GABRB1: variants seen among roughly 807,000 people sequenced by gnomAD.
GABRB1 encodes gamma-aminobutyric acid receptor subunit beta-1.
In GABRB1, 17 loss-of-function variants were observed where a neutral mutation model predicts 51.6. That is an observed-to-expected ratio of 0.33 (90% CI 0.23 to 0.49). GABRB1 has a LOEUF of 0.49. Among genes scored for constraint, GABRB1 ranks in the 20% least tolerant of loss-of-function variants. GABRB1 has a pLI of 0.99. For synonymous variants in GABRB1, 247 were observed against 218.9 expected, an observed-to-expected ratio of 1.13 and a Z score of -1.14; for missense variants, 410 against 600.6, an observed-to-expected ratio of 0.68 and a Z score of 3.32.
chr4:47,039,573 T>C (rs567676758), intron 3 of GABRB1, among the ~76,000 whole-genome samples: 2 of 152,248 alleles, frequency 1.3e-5, no homozygotes, highest in Non-Finnish European at 2.9e-5. Context: ...TGGTAGGTGC[T>C]ATGATAGAGA....
intron 3 of GABRB1, among the ~76,000 whole-genome samples, chr4:47,083,508 A>T (rs941297782): frequency 6.6e-6 from 1 of 152,136 alleles, no homozygotes; most frequent in Non-Finnish European, 1.5e-5. Context: ...TTCATTGCTT[A>T]TCATAAAAGC....
intron 3 of GABRB1, among the ~76,000 whole-genome samples, chr4:47,047,154 A>G (rs1726130517): frequency 6.6e-6 from 1 of 152,024 alleles, no homozygotes; most frequent in Admixed American, 6.6e-5. Flanking sequence ...AATAAAAGTT[A>G]AAAAAAATTA....
chr4:47,026,347 A>C (rs1725093847), intron 1 of GABRB1, among the ~76,000 whole-genome samples: 2 of 151,890 alleles, frequency 1.3e-5, no homozygotes, highest in African/African-American at 2.4e-5. Context: ...TGTTCACCAG[A>C]TAATCACCGG....
chr4:47,131,984 A>G (rs754077659), intron 3 of GABRB1, among the ~76,000 whole-genome samples: 3 of 152,144 alleles, frequency 2.0e-5, no homozygotes, highest in Non-Finnish European at 2.9e-5. Context: ...CAATCTGTTG[A>G]CTACTGCCTC....
intron 3 of GABRB1, among the ~76,000 whole-genome samples, chr4:47,093,587 A>T (rs913444256): frequency 2.0e-5 from 3 of 152,246 alleles, no homozygotes; most frequent in Admixed American, 6.5e-5. Flanking sequence ...ACAACAAAAA[A>T]AATCTCATAT....
At chr4:47,350,563 CA>C (rs916793334) in intron 5 of GABRB1, among the ~76,000 whole-genome samples, 1 of 151,364 alleles carries the variant, frequency 6.6e-6, no homozygotes, top group Non-Finnish European at 1.5e-5. Context: ...TGTATCACAT[CA>C]AAACACTCAA....
intron 4 of GABRB1, among the ~76,000 whole-genome samples, chr4:47,239,699 A>G (rs1721455802): frequency 1.3e-5 from 2 of 152,222 alleles, no homozygotes; most frequent in South Asian, 2.1e-4. Flanking sequence ...TTTTCCAAGT[A>G]CAGTCAACCC....
At chr4:47,183,323 A>G (rs1719033901) in intron 4 of GABRB1, among the ~76,000 whole-genome samples, 1 of 135,924 alleles carries the variant, frequency 7.4e-6, no homozygotes, top group South Asian at 2.4e-4. Context: ...ATTATATAAC[A>G]TCTTATCTGT....
intron 3 of GABRB1, among the ~76,000 whole-genome samples, chr4:47,076,894 T>C (rs1307633405): frequency 6.6e-6 from 1 of 152,230 alleles, no homozygotes; most frequent in African/African-American, 2.4e-5. Flanking sequence ...AAGAAGCTCA[T>C]TGAAGAAAAC....
chr4:47,371,800 G>C (rs1300943249), intron 5 of GABRB1, among the ~76,000 whole-genome samples: 1 of 151,694 alleles, frequency 6.6e-6, no homozygotes, highest in Non-Finnish European at 1.5e-5. Flanking sequence ...GTTTTTTCTT[G>C]TAAATTTGTT....
chr4:47,248,760 T>C (rs1468291878), intron 4 of GABRB1, among the ~76,000 whole-genome samples: 1 of 152,082 alleles, frequency 6.6e-6, no homozygotes, highest in Non-Finnish European at 1.5e-5. Flanking sequence ...CAGGAAGTTA[T>C]CCATCTCTTC....
intron 4 of GABRB1, among the ~76,000 whole-genome samples, chr4:47,217,104 A>G (rs114414891): frequency 2.7e-3 from 410 of 152,074 alleles, no homozygotes; most frequent in Middle Eastern, 0.02. Context: ...AGTACAATTC[A>G]TATAAACTTT....
chr4:47,348,311 T>C (rs1192254436), intron 5 of GABRB1, among the ~76,000 whole-genome samples: 3 of 152,196 alleles, frequency 2.0e-5, no homozygotes, highest in Non-Finnish European at 4.4e-5. Context: ...AATGATTGCT[T>C]GTTGCAGCAT....
At chr4:47,207,962 G>GT (rs1293090946) in intron 4 of GABRB1, among the ~76,000 whole-genome samples, 9 of 151,860 alleles carry the variant, frequency 5.9e-5, no homozygotes, top group African/African-American at 1.7e-4. Flanking sequence ...CTAACTCCTG[G>GT]CATGTAAATC....
intron 4 of GABRB1, among the ~76,000 whole-genome samples, chr4:47,252,329 C>T (rs1160348905): frequency 1.3e-5 from 2 of 151,964 alleles, no homozygotes; most frequent in African/African-American, 4.8e-5. Flanking sequence ...GAGGCTTTCC[C>T]TTACCCACTT....
At chr4:47,000,571 A>C (rs896576231) in intron 1 of GABRB1, among the ~76,000 whole-genome samples, 3 of 152,170 alleles carry the variant, frequency 2.0e-5, no homozygotes, top group African/African-American at 7.2e-5. Context: ...CCTTCATCCC[A>C]TTGCAGTTAG....
chr4:47,354,214 T>C (rs7694566), intron 5 of GABRB1, among the ~76,000 whole-genome samples: 49,038 of 152,060 alleles, frequency 0.32, 8,267 homozygotes, highest in Non-Finnish European at 0.38. Flanking sequence ...GGTTTAATGG[T>C]CCATTCATGA....
chr4:47,197,717 T>C (rs1719745117), intron 4 of GABRB1, among the ~76,000 whole-genome samples: 1 of 152,206 alleles, frequency 6.6e-6, no homozygotes, highest in Non-Finnish European at 1.5e-5. Flanking sequence ...GCTAGCTTAG[T>C]GCCATACCTA....
chr4:47,209,699 A>G (rs1169315884), intron 4 of GABRB1, among the ~76,000 whole-genome samples: 6 of 152,160 alleles, frequency 3.9e-5, no homozygotes. Flanking sequence ...AAGCTTGCTA[A>G]TTGAATCAGT....
Sources: allele counts gnomAD v4.1 joint callset (sites outside exome capture counted in the v4.1 genomes callset), GRCh38; gene constraint gnomAD v4.1.1; transcripts MANE v1.5; gene names NCBI Gene and HGNC (gene_info 2026-07-23, HGNC 2026-07-21).